NCS1: variants seen among roughly 807,000 people sequenced by gnomAD.
NCS1 encodes neuronal calcium sensor 1, also known as frequenin homolog.
NCS1 carries 6 observed loss-of-function variants against 28.4 expected under a neutral mutation model. The ratio of observed to expected loss-of-function variants is 0.21; its 90% CI spans 0.12 to 0.42. NCS1 has a LOEUF of 0.42. Ranked by LOEUF, NCS1 falls within the 10% of genes least tolerant of loss-of-function variation. The pLI, the probability that NCS1 is intolerant of heterozygous loss-of-function variation, is 1.00. For missense variants in NCS1, 131 were observed against 241.4 expected (o/e 0.54, Z 3.03); for synonymous variants, 86 against 99.3 (o/e 0.87, Z 0.79).
chr9:130,204,584 C>T (rs988356836), intron 2 of NCS1, among the ~76,000 whole-genome samples: 13 of 152,214 alleles, frequency 8.5e-5, no homozygotes, highest in South Asian at 2.1e-4. Flanking sequence ...CCACTGCGCC[C>T]GCCTCTGGGC....
chr9:130,203,360 C>T (rs781893539), intron 2 of NCS1, among the ~76,000 whole-genome samples: 7 of 152,166 alleles, frequency 4.6e-5, no homozygotes, highest in Non-Finnish European at 8.8e-5. Flanking sequence ...AAGCCTTGGC[C>T]TCCCAAAATG....
rs1196014696 is a variant in NCS1 at position 130,192,007 on chromosome 9, G to T, written c.65-8951G>T. 1.3e-5 allele frequency among the ~76,000 whole-genome samples: 2 copies of T among 152,158 alleles called. No homozygotes were observed. Among genetic ancestry groups the T allele is most frequent in the Non-Finnish European group, 2.9e-5 (2 of 68,030 alleles). On this transcript the variant is annotated intron_variant, in intron 1 of 7. Transcript: ENST00000372398. The surrounding 1 kb of genome is among the most constrained non-coding windows in gnomAD (Gnocchi z 4.8). Reference sequence around the variant, plus strand: ...CGCGGCGAGTGGGTCAGGGCGAGGGGCTCCTGCAGCGGCTTTGCTCAGCCA... The same window carrying T: ...CGCGGCGAGTGGGTCAGGGCGAGGGTCTCCTGCAGCGGCTTTGCTCAGCCA...
rs1360767693 is a variant in NCS1 at position 130,215,550 on chromosome 9, G to A, written c.90-2282G>A. Among the ~76,000 whole-genome samples the A allele has an allele frequency of 1.3e-5, 2 of 152,204 alleles. No individual in the cohort carries two copies. The highest frequency in any genetic ancestry group is 2.9e-5 in the Non-Finnish European group (2 of 68,046). On this transcript the variant is annotated intron_variant, in intron 2 of 7. Coordinates refer to ENST00000372398, the MANE Select transcript of NCS1 (RefSeq NM_014286.4). This position sits in a 1 kb window ranked among gnomAD's most constrained non-coding sequence, Gnocchi z 4.2. ...GTCGCACACTGGCCGGCAGGGCAGA[G>A]GACAGGAGAGGCAGGGCGGGCTCCG...
At chr9:130,190,408 C>T (rs1302237842) in intron 1 of NCS1, among the ~76,000 whole-genome samples, 7 of 152,102 alleles carry the variant, frequency 4.6e-5, no homozygotes, top group African/African-American at 1.2e-4. Context: ...CTATTTTCTA[C>T]GTATGTAACT....
intron 4 of NCS1, among the ~76,000 whole-genome samples, chr9:130,222,128 G>A (rs952350150): frequency 1.5e-5 from 2 of 134,234 alleles, no homozygotes; most frequent in South Asian, 2.3e-4. Context: ...ATATATATGT[G>A]TATATATATA....
At chr9:130,188,235 T>A (rs921857898) in intron 1 of NCS1, among the ~76,000 whole-genome samples, 1 of 152,200 alleles carries the variant, frequency 6.6e-6, no homozygotes, top group East Asian at 1.9e-4. Flanking sequence ...TGTGGCTTCT[T>A]GTGGTTCCTG....
At chr9:130,185,811 T>C (rs1470482137) in intron 1 of NCS1, among the ~76,000 whole-genome samples, 4 of 152,360 alleles carry the variant, frequency 2.6e-5, no homozygotes, top group South Asian at 4.1e-4. Context: ...CACCACCCCC[T>C]GCGCGCCCAG....
chr9:130,202,769 G>A lies in NCS1; in HGVS notation c.89+1787G>A, dbSNP rs576190153. Among the ~76,000 whole-genome samples the A allele has an allele frequency of 2.1e-3, 326 of 152,032 alleles. 1 individual carries two copies. Among genetic ancestry groups the A allele is most frequent in the African/African-American group, 7.1e-3 (295 of 41,476 alleles). ...TAATTTTTATATTTTTAGTAGAGAC[G>A]GGGTTTCACCATCTTGGCCAGGCTG... On this transcript the variant is annotated intron_variant, in intron 2 of 7. Transcript: ENST00000372398.
Position 130,222,075 on chromosome 9 carries a change from TCTATAA to T in NCS1, c.308-574_308-569del, listed in dbSNP as rs1554910627. 6.5e-5 allele frequency among the ~76,000 whole-genome samples: 8 copies of T among 122,586 alleles called. 3 individuals are homozygous for T. Among genetic ancestry groups the T allele is most frequent in the African/African-American group, 2.4e-4 (8 of 32,664 alleles). The allele number at this position is 122,586 out of a possible 152,430, so 80.4% of individuals were successfully genotyped here. ...TATATACATAAATATAAATTATGTA[TCTATAA>T]ATATATATATGTGTGTGTGTATATA... On this transcript the variant is annotated intron_variant, in intron 4 of 7. Transcript: ENST00000372398.
intron 1 of NCS1, among the ~76,000 whole-genome samples, chr9:130,182,910 G>A (rs782025889): frequency 5.3e-5 from 8 of 152,248 alleles, no homozygotes; most frequent in Non-Finnish European, 1.0e-4. Context: ...CCTCACAGGT[G>A]CAGTGTGGGT....
chr9:130,178,973 C>T (rs1280975628), intron 1 of NCS1, among the ~76,000 whole-genome samples: 3 of 139,742 alleles, frequency 2.1e-5, no homozygotes, highest in Non-Finnish European at 4.6e-5. Context: ...CTTACTCTGT[C>T]ACCCAGGCTG....
intron 1 of NCS1, among the ~76,000 whole-genome samples, chr9:130,195,558 G>A (rs62585968): frequency 0.019 from 2,863 of 152,166 alleles, 63 homozygotes; most frequent in Non-Finnish European, 0.027. Flanking sequence ...GTGGTAGCTG[G>A]GATTATAGGC....
intron 6 of NCS1, among the ~76,000 whole-genome samples, chr9:130,223,912 TCTC>T (rs1833373945): frequency 6.6e-6 from 1 of 151,594 alleles, no homozygotes; most frequent in South Asian, 2.1e-4. Context: ...GCGGGCGCGA[TCTC>T]GGCTCACTGC....
chr9:130,200,741 G>A lies in NCS1; in HGVS notation c.65-217G>A, dbSNP rs1588115485. The A allele has an allele frequency of 8.3e-6, 12 of 1,442,552 alleles. No individual in the cohort carries two copies. The East Asian group carries it at 2.9e-4, about 35-fold the overall frequency. The allele number at this position is 1,442,552 out of a possible 1,614,324, so 89.4% of individuals were successfully genotyped here. Reference sequence around the variant, plus strand: ...GCAGGTAGCACTTGGGCACCGGGAAGGGGTGGGGCCAGTGTCCCCTGCTGG... The same window carrying A: ...GCAGGTAGCACTTGGGCACCGGGAAAGGGTGGGGCCAGTGTCCCCTGCTGG... On this transcript the variant is annotated intron_variant, in intron 1 of 7. Transcript: ENST00000372398.
chr9:130,193,911 TC>T (rs1227055168), intron 1 of NCS1: 1 of 152,548 alleles, frequency 6.6e-6, no homozygotes, highest in Non-Finnish European at 1.5e-5. Flanking sequence ...CGCCTTCTAT[TC>T]TTGTGCTGCT....
rs1011728141 is a variant in NCS1 at position 130,177,120 on chromosome 9, G to A, written c.64+4393G>A. Reference sequence around the variant, plus strand: ...TTTCCCTAATGCCCAGAATGGTGCCGGCACACAGGAGCAGGTGGAGGGCAG... The same window carrying A: ...TTTCCCTAATGCCCAGAATGGTGCCAGCACACAGGAGCAGGTGGAGGGCAG... On this transcript the variant is annotated intron_variant, in intron 1 of 7. Coordinates refer to ENST00000372398, the MANE Select transcript of NCS1 (RefSeq NM_014286.4). The surrounding 1 kb of genome is among the most constrained non-coding windows in gnomAD (Gnocchi z 4.4). Among the ~76,000 whole-genome samples the A allele has an allele frequency of 3.9e-5, 6 of 152,190 alleles. No homozygotes were observed. Among genetic ancestry groups the A allele is most frequent in the Non-Finnish European group, 7.3e-5 (5 of 68,040 alleles).
chr9:130,189,879 A>AATATATATATATATATATATAT (rs1203988125), intron 1 of NCS1, among the ~76,000 whole-genome samples: 4 of 37,750 alleles, frequency 1.1e-4, no homozygotes, highest in Admixed American at 4.2e-4. Flanking sequence ...AAAAAAAAAA[A>AATATATATATATATATATATAT]ATATATATAT....
At chr9:130,214,600 TG>T (rs528576047) in intron 2 of NCS1, among the ~76,000 whole-genome samples, 157 of 149,378 alleles carry the variant, frequency 1.1e-3, no homozygotes, top group Non-Finnish European at 2.0e-3. Flanking sequence ...TCAGATATCG[TG>T]GGGGTGGGGA....
In NCS1 at chr9:130,209,943, C is replaced by A. The variant is rs74811997; in HGVS notation, c.90-7889C>A. ...CTGGCACCATGGCTCTTCTCTAATCCCCAAAGGGGTCTCTGGACCCCAAAG... is the reference window on the plus strand; with the variant it reads ...CTGGCACCATGGCTCTTCTCTAATCACCAAAGGGGTCTCTGGACCCCAAAG... On this transcript the variant is annotated intron_variant, in intron 2 of 7. Transcript: ENST00000372398. The surrounding 1 kb of genome is among the most constrained non-coding windows in gnomAD (Gnocchi z 4.4). Among the ~76,000 whole-genome samples the A allele has an allele frequency of 0.01, 1,554 of 152,100 alleles. 35 individuals carry two copies. The highest frequency in any genetic ancestry group is 0.036 in the African/African-American group (1,502 of 41,462).
Sources: gnomAD v4.1 joint callset for allele counts (sites outside exome capture counted in the v4.1 genomes callset) on GRCh38, gnomAD v4.1.1 for gene constraint, Gnocchi (gnomAD v3.1) non-coding constraint, MANE v1.5 for transcripts, NCBI Gene and HGNC (gene_info 2026-07-23, HGNC 2026-07-21) for gene names.